The following PTPRT variants were observed in gnomAD, a reference collection of about 807,000 sequenced individuals.
PTPRT encodes receptor-type tyrosine-protein phosphatase T.
PTPRT carries 56 observed loss-of-function variants against 176.8 expected under a neutral mutation model. The ratio of observed to expected loss-of-function variants is 0.32; its 90% CI spans 0.26 to 0.40. The LOEUF (loss-of-function observed/expected upper bound fraction) is 0.40. Among genes scored for constraint, PTPRT ranks in the 10% least tolerant of loss-of-function variants. The pLI is 1.00. For synonymous variants in PTPRT, 783 were observed against 739.0 expected (o/e 1.06, Z -0.96); for missense variants, 1,540 against 1,908.2 (o/e 0.81, Z 3.60).
At chr20:42,484,903 C>A (rs2071442038) in intron 7 of PTPRT, among the ~76,000 whole-genome samples, 1 of 152,180 alleles carries the variant, frequency 6.6e-6, no homozygotes, top group Non-Finnish European at 1.5e-5. Context: ...CTCCTAGCTG[C>A]CACATTCTGC....
intron 21 of PTPRT, among the ~76,000 whole-genome samples, 194 bp downstream of exon 21, chr20:42,118,209 A>T (rs1987394998): frequency 6.6e-6 from 1 of 152,204 alleles, no homozygotes; most frequent in Admixed American, 6.5e-5. Context: ...GTGAGGGTGT[A>T]AAAAGGGATG....
chr20:42,970,948 G>A (rs1490134236), intron 1 of PTPRT: 1 of 152,208 alleles, frequency 6.6e-6, no homozygotes, highest in African/African-American at 2.4e-5. Flanking sequence ...GTGTTTCCAC[G>A]TGGAGGTCAC....
intron 3 of PTPRT, among the ~76,000 whole-genome samples, chr20:42,782,344 T>C (rs1367902679): frequency 6.6e-6 from 1 of 152,142 alleles, no homozygotes; most frequent in Non-Finnish European, 1.5e-5. Flanking sequence ...CTCTGCACCC[T>C]AGACCTTTCA....
intron 1 of PTPRT, among the ~76,000 whole-genome samples, chr20:43,010,841 T>C (rs1207333132): frequency 6.6e-6 from 1 of 152,130 alleles, no homozygotes; most frequent in African/African-American, 2.4e-5. Context: ...CCTCATAAAA[T>C]TCCTTTCTTC....
chr20:42,891,948 C>T (rs1417153858), intron 1 of PTPRT, among the ~76,000 whole-genome samples: 1 of 152,234 alleles, frequency 6.6e-6, no homozygotes, highest in Non-Finnish European at 1.5e-5. Flanking sequence ...GTCACAACTA[C>T]TCAGTTCTAC....
intron 1 of PTPRT, among the ~76,000 whole-genome samples, chr20:43,022,876 T>C (rs1208129376): frequency 6.6e-6 from 1 of 152,130 alleles, no homozygotes; most frequent in Non-Finnish European, 1.5e-5. Context: ...GTTGGCAACA[T>C]GGTTACTCCA....
intron 7 of PTPRT, among the ~76,000 whole-genome samples, chr20:42,548,062 G>T (rs2072706739): frequency 6.6e-6 from 1 of 151,896 alleles, no homozygotes; most frequent in Non-Finnish European, 1.5e-5. Flanking sequence ...ATCTGATAAG[G>T]TAATGGACAT....
chr20:42,974,621 C>T (rs1982837785), intron 1 of PTPRT, among the ~76,000 whole-genome samples: 2 of 152,242 alleles, frequency 1.3e-5, no homozygotes, highest in African/African-American at 4.8e-5. Flanking sequence ...GAGATCATAT[C>T]TGCTAAAAGC....
At chr20:43,037,307 T>G (rs1043782063) in intron 1 of PTPRT, among the ~76,000 whole-genome samples, 1 of 152,194 alleles carries the variant, frequency 6.6e-6, no homozygotes, top group African/African-American at 2.4e-5. Flanking sequence ...TACAGGAAAA[T>G]ATAAAATCAA....
chr20:43,097,024 ACTTGCAGAGGAG>A (rs2012199887), intron 1 of PTPRT, among the ~76,000 whole-genome samples: 1 of 152,212 alleles, frequency 6.6e-6, no homozygotes, highest in Non-Finnish European at 1.5e-5. Flanking sequence ...CCATAAATCT[ACTTGCAGAGGAG>A]CACACAGAAC....
Position 42,668,099 on chromosome 20 carries a change from G to C in PTPRT, c.1153+9767C>G, listed in dbSNP as rs548434428. ...AAGTGTCTGGTGGAGAGAAGGTAAA[G>C]ATTATACTTTCATTCCTAAACAGCT... On this transcript the variant is annotated intron_variant, in intron 7 of 30. Transcript: ENST00000373187. Among the ~76,000 whole-genome samples, 7 of 152,288 alleles carry C rather than the reference G, an allele frequency of 4.6e-5. 1 individual carries two copies. The South Asian group carries it at 1.2e-3, about 27-fold the overall frequency.
chr20:42,501,938 T>C (rs1036883670), intron 7 of PTPRT, among the ~76,000 whole-genome samples: 1 of 152,142 alleles, frequency 6.6e-6, no homozygotes, highest in Non-Finnish European at 1.5e-5. Context: ...AATTTTCCTA[T>C]ATTTTTCATT....
chr20:42,099,366 A>C (rs921631821), intron 26 of PTPRT, among the ~76,000 whole-genome samples: 1 of 152,172 alleles, frequency 6.6e-6, no homozygotes, highest in African/African-American at 2.4e-5. Flanking sequence ...AAAGGCCAGC[A>C]AACAAGAGCC....
At chr20:43,091,682 G>C (rs982492433) in intron 1 of PTPRT, among the ~76,000 whole-genome samples, 1 of 151,956 alleles carries the variant, frequency 6.6e-6, no homozygotes, top group African/African-American at 2.4e-5. Flanking sequence ...AAAATGAAAA[G>C]GAATACAAGA....
At chr20:43,078,268 A>G (rs1685720580) in intron 1 of PTPRT, among the ~76,000 whole-genome samples, 1 of 152,218 alleles carries the variant, frequency 6.6e-6, no homozygotes, top group African/African-American at 2.4e-5. Context: ...TGGTTTTGGC[A>G]CCAGTGTCTT....
rs537774744 is a variant in PTPRT, at chr20:42,788,848, G to A, written c.486+2347C>T. On this transcript the variant is annotated intron_variant, in intron 3 of 30. Transcript: ENST00000373187. ...ATCTCCCCATCCACAAGTTCCAGGC[G>A]TGGCTAAGCCTTTCAAGAACTCTAC... 3.0e-4 allele frequency among the ~76,000 whole-genome samples: 46 copies of A among 152,216 alleles called. No homozygotes were observed. The South Asian group carries it at 3.5e-3, about 12-fold the overall frequency.
In PTPRT at chr20:42,832,864, G is replaced by A. The variant is rs2078115148; in HGVS notation, c.215-41398C>T. On this transcript the variant is annotated intron_variant, in intron 2 of 30. Transcript: ENST00000373187. ...CACACATGTAATCTCAGTACTTCGG[G>A]AGACAGAGGTGGGAGGATTGTTTGA... is the stretch of plus-strand genomic sequence containing the variant. Among the ~76,000 whole-genome samples the A allele has an allele frequency of 2.0e-5, 3 of 150,362 alleles. No individual in the cohort carries two copies. In the South Asian group the frequency reaches 6.3e-4, roughly 32 times the overall value.
At chr20:43,114,496 G>A (rs1353730916) in intron 1 of PTPRT, among the ~76,000 whole-genome samples, 2 of 152,312 alleles carry the variant, frequency 1.3e-5, no homozygotes, top group South Asian at 2.1e-4. Flanking sequence ...CTGGAATAAT[G>A]CAGCACCTAC....
chr20:42,156,810 C>T (rs1989375243), intron 17 of PTPRT, among the ~76,000 whole-genome samples: 2 of 152,192 alleles, frequency 1.3e-5, no homozygotes, highest in South Asian at 4.1e-4. Context: ...CTCTGCCATG[C>T]CCTGAGTCAT....
Sources: gnomAD v4.1 joint callset for allele counts (sites outside exome capture counted in the v4.1 genomes callset) on GRCh38, gnomAD v4.1.1 for gene constraint, MANE v1.5 for transcripts, NCBI Gene and HGNC (gene_info 2026-07-23, HGNC 2026-07-21) for gene names.